SGK3: variants seen among roughly 807,000 people sequenced by gnomAD.
The protein encoded by SGK3 is serine/threonine-protein kinase Sgk3.
A neutral mutation model predicts 68.5 loss-of-function variants in SGK3; 47 were observed. The ratio of observed to expected loss-of-function variants is 0.69; its 90% CI spans 0.54 to 0.87. SGK3 has a LOEUF of 0.87. SGK3 is among the 40% of genes least tolerant of loss of function. SGK3 has a pLI of 0.00. For missense variants in SGK3, 479 were observed against 575.5 expected (o/e 0.83, Z 1.72); for synonymous variants, 181 against 189.1 (o/e 0.96, Z 0.35).
intron 10 of SGK3, among the ~76,000 whole-genome samples, chr8:66,837,882 C>G (rs1809604057): frequency 6.6e-6 from 1 of 152,178 alleles, no homozygotes; most frequent in Non-Finnish European, 1.5e-5. Flanking sequence ...ACATTGTTTT[C>G]ACCTTGAAGG....
At chr8:66,796,710 T>C (rs1320837977) in intron 2 of SGK3, among the ~76,000 whole-genome samples, 1 of 152,214 alleles carries the variant, frequency 6.6e-6, no homozygotes, top group Non-Finnish European at 1.5e-5. Context: ...AAACCAAGTC[T>C]AAATTATATT....
chr8:66,794,242 A>G (rs1807582492), intron 2 of SGK3, among the ~76,000 whole-genome samples: 2 of 152,144 alleles, frequency 1.3e-5, no homozygotes, highest in South Asian at 2.1e-4. Context: ...TTAATTCAGT[A>G]TTTTATTTTT....
chr8:66,735,863 T>G (rs1033392231), intron 1 of SGK3, among the ~76,000 whole-genome samples: 1 of 152,244 alleles, frequency 6.6e-6, no homozygotes, highest in African/African-American at 2.4e-5. Flanking sequence ...TAAAGAATGA[T>G]GAATCTTTGA....
In SGK3 at chr8:66,850,798, C is replaced by CAGTAA. The variant is rs769167493; in HGVS notation, c.1231-32_1231-31insGTAAA. 1.3e-5 allele frequency: 21 copies of CAGTAA among 1,561,138 alleles called. No individual in the cohort carries two copies. In the Admixed American group the frequency reaches 3.9e-4, roughly 29 times the overall value. ...AGTTAGTACTTAATATATTCTTCGGCATTAGTAAAACAAATTTTTTTTAAT... is the reference window on the plus strand; with the variant it reads ...AGTTAGTACTTAATATATTCTTCGGCAGTAAATTAGTAAAACAAATTTTTTTTAAT... On this transcript the variant is annotated intron_variant, in intron 15 of 16. Transcript: ENST00000521198.
At chr8:66,822,258 A>G (rs545403912) in intron 5 of SGK3, 114 bp from the exon 6 acceptor site, 1 of 885,262 alleles carries the variant, frequency 1.1e-6, no homozygotes, top group South Asian at 2.9e-5. Flanking sequence ...ATTCTGTTTT[A>G]CTTTCTTACT....
chr8:66,803,051 G>A (rs1386489039), intron 3 of SGK3, among the ~76,000 whole-genome samples: 2 of 152,072 alleles, frequency 1.3e-5, no homozygotes, highest in African/African-American at 4.8e-5. Context: ...TAAATGAACA[G>A]CAGTGCCTTA....
At chr8:66,844,386 T>C (rs971672448) in intron 14 of SGK3, among the ~76,000 whole-genome samples, 1 of 152,198 alleles carries the variant, frequency 6.6e-6, no homozygotes, top group African/African-American at 2.4e-5. Context: ...AAAGTGATGT[T>C]TATGCAGTCA....
At chr8:66,847,432 T>C (rs1810078170) in intron 15 of SGK3, 84 bp downstream of exon 15, 2 of 1,553,582 alleles carry the variant, frequency 1.3e-6, no homozygotes, top group Non-Finnish European at 1.7e-6. Flanking sequence ...TGGTATTTAA[T>C]GGAATGAATA....
At chr8:66,752,188 G>A (rs1223348138) in intron 1 of SGK3, among the ~76,000 whole-genome samples, 4 of 152,176 alleles carry the variant, frequency 2.6e-5, no homozygotes, top group South Asian at 4.1e-4. Context: ...AGCTGATGAC[G>A]TTTCGTTGAA....
At chr8:66,849,159 C>T (rs548379065) in intron 15 of SGK3, among the ~76,000 whole-genome samples, 1 of 152,272 alleles carries the variant, frequency 6.6e-6, no homozygotes, top group Admixed American at 6.5e-5. Flanking sequence ...CTTTAGTTAT[C>T]TATATGTTTT....
chr8:66,858,604 ATC>A lies in SGK3; in HGVS notation c.1321-803_1321-802del, dbSNP rs1345307867. The stretch of plus-strand genomic sequence containing the variant: ...GCCTTGAGATTTAAATTAACAATGA[ATC>A]TCTGTTTGTGAGCCTTCCTTACTTT... On this transcript the variant is annotated intron_variant, in intron 16 of 16. Transcript: ENST00000521198. Among the ~76,000 whole-genome samples, 20 of 152,150 alleles carry A rather than the reference ATC, an allele frequency of 1.3e-4. No individual in the cohort carries two copies. In the East Asian group the frequency reaches 3.3e-3, roughly 25 times the overall value.
At chr8:66,821,678 A>ATTTTTT (rs59399048) in intron 5 of SGK3, among the ~76,000 whole-genome samples, 8 of 108,582 alleles carry the variant, frequency 7.4e-5, no homozygotes, top group Non-Finnish European at 8.8e-5. Context: ...ACGCCCGGCT[A>ATTTTTT]TTTTTTTTTT....
At chr8:66,729,576 T>A (rs895485679) in intron 1 of SGK3, among the ~76,000 whole-genome samples, 1 of 152,226 alleles carries the variant, frequency 6.6e-6, no homozygotes, top group Non-Finnish European at 1.5e-5. Context: ...CATATAATAC[T>A]GCTATGAATA....
intron 1 of SGK3, among the ~76,000 whole-genome samples, chr8:66,717,794 C>T (rs1252403254): frequency 6.6e-6 from 1 of 151,434 alleles, no homozygotes; most frequent in Non-Finnish European, 1.5e-5. Flanking sequence ...ACTTCCACCT[C>T]CCAGGTTCAA....
At position 66,787,288 on chromosome 8, in the gene SGK3, G is replaced by A. The variant is rs138796193; in HGVS notation, c.-121-6328G>A. Among the ~76,000 whole-genome samples, 835 of 152,220 alleles carry A rather than the reference G, an allele frequency of 5.5e-3. 4 individuals carry two copies. The highest frequency in any genetic ancestry group is 0.01 in the Middle Eastern group (3 of 294). ...CTAGTGCATGATGAGCACTCAATAA[G>A]TGTTCATTGAATTAAGGAATAAAAA... On this transcript the variant is annotated intron_variant, in intron 1 of 16. Transcript: ENST00000521198.
intron 1 of SGK3, among the ~76,000 whole-genome samples, chr8:66,773,925 C>G (rs1368627321): frequency 1.3e-5 from 2 of 152,154 alleles, no homozygotes; most frequent in African/African-American, 4.8e-5. Flanking sequence ...GTGTCGGGGA[C>G]TGGTGTACTA....
At chr8:66,798,486 T>C (rs1807792666) in intron 2 of SGK3, 56 bp from the exon 3 acceptor site, 17 of 1,481,980 alleles carry the variant, frequency 1.1e-5, no homozygotes, top group East Asian at 2.3e-5. Flanking sequence ...TTTAAGTAGC[T>C]AATGGGTTTT....
chr8:66,717,379 A>T (rs1207849084), intron 1 of SGK3, among the ~76,000 whole-genome samples: 1 of 151,550 alleles, frequency 6.6e-6, no homozygotes, highest in African/African-American at 2.4e-5. Flanking sequence ...AAAATACAAA[A>T]TTAGCTGGGG....
intron 15 of SGK3, 139 bp downstream of exon 15, chr8:66,847,487 C>T (rs1160502734): frequency 2.3e-6 from 3 of 1,324,136 alleles, no homozygotes; most frequent in Non-Finnish European, 2.0e-6. Flanking sequence ...ATACTTGTCT[C>T]CACAGTTTTC....
Sources: allele counts gnomAD v4.1 joint callset (sites outside exome capture counted in the v4.1 genomes callset), GRCh38; gene constraint gnomAD v4.1.1; transcripts MANE v1.5; gene names NCBI Gene and HGNC (gene_info 2026-07-23, HGNC 2026-07-21).